DAB1: variants seen among roughly 807,000 people sequenced by gnomAD.
The protein encoded by DAB1 is DAB adaptor protein 1.
Under a neutral mutation model 64.6 loss-of-function variants are expected in DAB1, and 15 were observed. The ratio of observed to expected loss-of-function variants is 0.23; its 90% confidence interval spans 0.16 to 0.36. DAB1 has a LOEUF of 0.36. Ranked by LOEUF, DAB1 falls within the 10% of genes least tolerant of loss-of-function variation. The pLI is 1.00. For synonymous variants in DAB1, 235 were observed against 251.9 expected, an observed-to-expected ratio of 0.93 and a Z score of 0.64; for missense variants, 596 against 706.7, an observed-to-expected ratio of 0.84 and a Z score of 1.78.
intron 2 of DAB1, among the ~76,000 whole-genome samples, chr1:57,201,000 T>C (rs1018221590): frequency 1.3e-5 from 2 of 152,170 alleles, no homozygotes; most frequent in African/African-American, 4.8e-5. Flanking sequence ...GATGAGAGAA[T>C]TGAGGCAGCA....
chr1:57,553,384 GAGAAAGAAAGAAAGAA>G lies in DAB1; in HGVS notation n.625+96192_625+96207del, dbSNP rs775593744. Among the ~76,000 whole-genome samples, 49 of 6,964 alleles carry G rather than the reference GAGAAAGAAAGAAAGAA, an allele frequency of 7.0e-3. 1 individual carries two copies. Among genetic ancestry groups the G allele is most frequent in the African/African-American group, 8.7e-3 (49 of 5,616 alleles). 4.6% of individuals were successfully genotyped at this position (6,964 alleles called of 152,430 possible). A position where few individuals can be genotyped will look rare whatever the true frequency, so the allele number is the denominator to read the frequency against. On this transcript the variant is annotated intron_variant and non_coding_transcript_variant, in intron 7 of 20. Coordinates refer to the DAB1 transcript ENST00000485760. ...GAAAGAGAAGGAAGGAAGGAAGAAA[GAGAAAGAAAGAAAGAA>G]AGAAAGAAAGAAAGAAAGAAAGAAA...
At chr1:58,295,358 C>T (rs113240244) in intron 4 of DAB1, among the ~76,000 whole-genome samples, 47 of 152,266 alleles carry the variant, frequency 3.1e-4, no homozygotes, top group African/African-American at 8.9e-4. Context: ...ATTTCAGTCA[C>T]GAGGCCAGCC....
intron 1 of DAB1, among the ~76,000 whole-genome samples, chr1:57,391,219 A>T (rs1266920310): frequency 6.6e-6 from 1 of 152,210 alleles, no homozygotes; most frequent in Non-Finnish European, 1.5e-5. Context: ...CTTGGTGCTC[A>T]GATATTCAAG....
chr1:57,807,734 G>T (rs1651431592), intron 6 of DAB1, among the ~76,000 whole-genome samples: 1 of 151,678 alleles, frequency 6.6e-6, no homozygotes, highest in Non-Finnish European at 1.5e-5. Flanking sequence ...CTCCCACCTT[G>T]CCTTTAACGT....
chr1:57,978,855 A>T (rs1293721005), intron 5 of DAB1, among the ~76,000 whole-genome samples: 1 of 152,220 alleles, frequency 6.6e-6, no homozygotes, highest in Non-Finnish European at 1.5e-5. Context: ...GCAAATCAAA[A>T]CCACAATGAG....
chr1:58,150,775 G>C (rs1654881956), intron 4 of DAB1, among the ~76,000 whole-genome samples: 1 of 151,846 alleles, frequency 6.6e-6, no homozygotes, highest in Non-Finnish European at 1.5e-5. Flanking sequence ...TGCCATGTTG[G>C]TGTACTGCAC....
At chr1:57,807,639 A>C (rs528519660) in intron 6 of DAB1, among the ~76,000 whole-genome samples, 1 of 152,272 alleles carries the variant, frequency 6.6e-6, no homozygotes, top group African/African-American at 2.4e-5. Context: ...GAACCACATA[A>C]ATTCAAATTG....
intron 2 of DAB1, among the ~76,000 whole-genome samples, chr1:57,213,718 G>A (rs921362527): frequency 1.3e-5 from 2 of 152,170 alleles, no homozygotes; most frequent in Admixed American, 1.3e-4. Flanking sequence ...ACCTCTTTCG[G>A]ACCCTGTTGC....
At chr1:58,343,967 G>C (rs1262188676) in intron 3 of DAB1, among the ~76,000 whole-genome samples, 2 of 152,130 alleles carry the variant, frequency 1.3e-5, no homozygotes, top group African/African-American at 4.8e-5. Flanking sequence ...TTCAGTACTT[G>C]TCACTGTACC....
In DAB1 at chr1:58,393,328, T is replaced by C. The variant is rs375988590; in HGVS notation, n.258-49925A>G. On this transcript the variant is annotated intron_variant and non_coding_transcript_variant, in intron 3 of 20. Coordinates refer to the DAB1 transcript ENST00000485760. Reference sequence around the variant, plus strand: ...AATGCCCAAAGAGTACTATTATTGATTGAGCAGAGATGGAATGAATACAAA... The same window carrying C: ...AATGCCCAAAGAGTACTATTATTGACTGAGCAGAGATGGAATGAATACAAA... 5.9e-5 allele frequency among the ~76,000 whole-genome samples: 9 copies of C among 152,268 alleles called. No homozygotes were observed. The East Asian group carries it at 1.7e-3, about 29-fold the overall frequency.
chr1:57,807,761 C>T (rs1651433419), intron 6 of DAB1, among the ~76,000 whole-genome samples: 1 of 152,044 alleles, frequency 6.6e-6, no homozygotes, highest in Non-Finnish European at 1.5e-5. Context: ...TCTCTTCTTC[C>T]TCAAACACCC....
chr1:57,413,985 T>C (rs1299936734), intron 1 of DAB1, among the ~76,000 whole-genome samples: 1 of 152,214 alleles, frequency 6.6e-6, no homozygotes, highest in Non-Finnish European at 1.5e-5. Context: ...AGTCTCATGC[T>C]ACAACTTTAG....
chr1:57,869,539 A>G (rs1238236137), intron 1 of DAB1, among the ~76,000 whole-genome samples: 1 of 152,096 alleles, frequency 6.6e-6, no homozygotes, highest in Admixed American at 6.6e-5. Flanking sequence ...TTACATAAGG[A>G]AAAAATGAAG....
intron 5 of DAB1, among the ~76,000 whole-genome samples, chr1:57,972,854 CAT>C (rs1318318048): frequency 6.6e-6 from 1 of 152,226 alleles, no homozygotes. Context: ...CATATGTACA[CAT>C]GTTCCTGAGC....
rs1284672078 is a variant in DAB1, at chr1:57,327,494, TCCGGAC to T, written c.-136-36334_-136-36329del. Reference sequence around the variant, plus strand: ...CTGCAAGAAAACAATCTGCCAATCCTCCGGACGGCAGATGGGGCCTCTTCAGAACTG... The same window carrying T: ...CTGCAAGAAAACAATCTGCCAATCCTGGCAGATGGGGCCTCTTCAGAACTG... On this transcript the variant is annotated intron_variant, in intron 1 of 14. Coordinates refer to ENST00000371236, the MANE Select transcript of DAB1 (RefSeq NM_001365792.1). Among the ~76,000 whole-genome samples, 9 of 152,164 alleles carry T rather than the reference TCCGGAC, an allele frequency of 5.9e-5. No homozygotes were observed. The East Asian group carries it at 1.7e-3, about 29-fold the overall frequency.
At chr1:58,231,608 AC>A (rs1226590159) in intron 4 of DAB1, among the ~76,000 whole-genome samples, 10 of 152,148 alleles carry the variant, frequency 6.6e-5, no homozygotes, top group Non-Finnish European at 1.2e-4. Flanking sequence ...TGGGCTAGAG[AC>A]CCCACATCTA....
intron 4 of DAB1, among the ~76,000 whole-genome samples, chr1:58,183,258 T>C (rs1310983493): frequency 6.6e-6 from 1 of 152,060 alleles, no homozygotes; most frequent in Non-Finnish European, 1.5e-5. Context: ...ACAAATCTGA[T>C]ACAGTTTACT....
At chr1:57,026,295 C>G (rs567278047) in intron 9 of DAB1, among the ~76,000 whole-genome samples, 4 of 152,310 alleles carry the variant, frequency 2.6e-5, no homozygotes, top group Admixed American at 6.5e-5. Flanking sequence ...TTAATCACTT[C>G]CCATAAGCAG....
At chr1:57,478,439 AT>A (rs11407860) in intron 7 of DAB1, among the ~76,000 whole-genome samples, 1 of 151,800 alleles carries the variant, frequency 6.6e-6, no homozygotes, top group Non-Finnish European at 1.5e-5. Flanking sequence ...TTGGATGTGG[AT>A]TTTTTTTAGC....
Sources: allele counts gnomAD v4.1 joint callset (sites outside exome capture counted in the v4.1 genomes callset), GRCh38; gene constraint gnomAD v4.1.1; transcripts MANE v1.5; gene names NCBI Gene and HGNC (gene_info 2026-07-23, HGNC 2026-07-21).